CSMD1: variants seen among roughly 807,000 people sequenced by gnomAD.
CSMD1 encodes CUB and sushi domain-containing protein 1.
CSMD1 carries 213 observed loss-of-function variants against 417.5 expected under a neutral mutation model. That is an observed-to-expected ratio of 0.51 (90% confidence interval 0.46 to 0.57). CSMD1 has a LOEUF of 0.57. Ranked by LOEUF, CSMD1 falls within the 20% of genes least tolerant of loss-of-function variation. The probability of loss-of-function intolerance (pLI) is 0.00; values close to 1 mark genes in which losing one functional copy is unlikely to be tolerated. For synonymous variants in CSMD1, 2,862 were observed against 1,736.8 expected, an observed-to-expected ratio of 1.65 and a Z score of -16.11; for missense variants, 6,923 against 4,529.7, an observed-to-expected ratio of 1.53 and a Z score of -15.17.
At chr8:4,112,310 A>C (rs1801899135) in intron 3 of CSMD1, among the ~76,000 whole-genome samples, 1 of 152,216 alleles carries the variant, frequency 6.6e-6, no homozygotes, top group South Asian at 2.1e-4. Flanking sequence ...ACATTTACAC[A>C]GACTCCACCC....
chr8:4,304,476 G>C (rs923631011), intron 3 of CSMD1, among the ~76,000 whole-genome samples: 1 of 152,144 alleles, frequency 6.6e-6, no homozygotes, highest in Admixed American at 6.5e-5. Flanking sequence ...AGATAGTACA[G>C]AGTCCCATCC....
At chr8:3,705,189 T>A (rs1239235295) in intron 7 of CSMD1, among the ~76,000 whole-genome samples, 1 of 152,202 alleles carries the variant, frequency 6.6e-6, no homozygotes, top group Non-Finnish European at 1.5e-5. Context: ...CACTGAGCTG[T>A]GGCTGCTTTC....
intron 3 of CSMD1, among the ~76,000 whole-genome samples, chr8:4,245,817 C>T (rs934991025): frequency 6.6e-6 from 1 of 152,110 alleles, no homozygotes; most frequent in Non-Finnish European, 1.5e-5. Flanking sequence ...AAATTATTGA[C>T]AAGTGTGCAC....
chr8:4,964,399 G>T (rs918247258), intron 1 of CSMD1, among the ~76,000 whole-genome samples: 1 of 147,278 alleles, frequency 6.8e-6, no homozygotes, highest in Non-Finnish European at 1.5e-5. Flanking sequence ...TGCACCTGTA[G>T]TCCCAGCTAC....
intron 5 of CSMD1, among the ~76,000 whole-genome samples, chr8:3,801,048 G>T (rs370773602): frequency 6.6e-6 from 1 of 151,370 alleles, no homozygotes; most frequent in South Asian, 2.1e-4. Context: ...CTTTATAACC[G>T]TGGTTGAGGC....
At chr8:4,725,869 TC>T (rs1809400462) in intron 1 of CSMD1, among the ~76,000 whole-genome samples, 1 of 152,102 alleles carries the variant, frequency 6.6e-6, no homozygotes, top group Non-Finnish European at 1.5e-5. Context: ...CCCTCCGACA[TC>T]TTGTAGACCC....
intron 1 of CSMD1, among the ~76,000 whole-genome samples, chr8:4,851,370 G>T (rs1386981995): frequency 6.6e-6 from 1 of 151,896 alleles, no homozygotes; most frequent in Non-Finnish European, 1.5e-5. Flanking sequence ...TGGCTTTCAT[G>T]ATCCCACCAA....
At chr8:4,120,675 GAAGT>G (rs1802437095) in intron 3 of CSMD1, among the ~76,000 whole-genome samples, 1 of 152,222 alleles carries the variant, frequency 6.6e-6, no homozygotes, top group Admixed American at 6.5e-5. Flanking sequence ...GACTTTTAAA[GAAGT>G]AAGTTTAGAT....
At chr8:3,169,795 C>A (rs1348296191) in intron 37 of CSMD1, among the ~76,000 whole-genome samples, 2 of 152,158 alleles carry the variant, frequency 1.3e-5, no homozygotes, top group Non-Finnish European at 1.5e-5. Flanking sequence ...TTCTTATTCT[C>A]TAATTCCAAG....
intron 1 of CSMD1, among the ~76,000 whole-genome samples, chr8:4,699,980 A>G (rs1807412582): frequency 6.6e-6 from 1 of 152,214 alleles, no homozygotes; most frequent in Admixed American, 6.5e-5. Context: ...ATTCTCTCTC[A>G]TTATAATACA....
Position 4,392,268 on chromosome 8 carries a change from A to G in CSMD1, c.415+27685T>C, listed in dbSNP as rs149704224. Among the ~76,000 whole-genome samples the G allele has an allele frequency of 6.9e-4, 105 of 152,288 alleles. 1 individual carries two copies. The highest frequency in any genetic ancestry group is 2.5e-3 in the African/African-American group (105 of 41,576). On this transcript the variant is annotated intron_variant, in intron 3 of 69. Coordinates refer to ENST00000635120, the MANE Select transcript of CSMD1 (RefSeq NM_033225.6). ...GGATATAAACTGAAGAGTTATTTGC[A>G]TGTAGCTGATAATATATCCTGGAAT...
chr8:4,307,322 T>C (rs1208237153), intron 3 of CSMD1, among the ~76,000 whole-genome samples: 4 of 152,108 alleles, frequency 2.6e-5, no homozygotes, highest in Non-Finnish European at 5.9e-5. Flanking sequence ...ATCACACATG[T>C]CCACATTGAG....
chr8:3,369,268 A>T lies in CSMD1; in HGVS notation c.2885T>A (p.Val962Glu). Residue 962 changes from valine to glutamate, a missense_variant, in exon 19 of 70, where the codon GTG becomes GAG. Physicochemically the swap from Val to Glu is moderately radical, Grantham distance 121. Coordinates refer to ENST00000635120, the MANE Select transcript of CSMD1 (RefSeq NM_033225.6). ...TAGATTCTTACCTTTCCCATGAGACACTTCAATGGTCCACGTGCAGTTTAG... is the reference window on the plus strand; with the variant it reads ...TAGATTCTTACCTTTCCCATGAGACTCTTCAATGGTCCACGTGCAGTTTAG... Reference protein sequence around the residue: ...NSLNCTWTIEVSHGKGVQMIF... With the variant: ...NSLNCTWTIEESHGKGVQMIF... The T allele has an allele frequency of 6.4e-7, 1 of 1,550,614 alleles. No homozygotes were observed. Among genetic ancestry groups the T allele is most frequent in the Non-Finnish European group, 8.9e-7 (1 of 1,122,912 alleles).
At chr8:3,611,758 A>G (rs1410772010) in intron 8 of CSMD1, among the ~76,000 whole-genome samples, 1 of 152,264 alleles carries the variant, frequency 6.6e-6, no homozygotes, top group South Asian at 2.1e-4. Flanking sequence ...ATGTATAAAT[A>G]TTTGAAAGAA....
At chr8:3,422,544 C>G (rs572787147) in intron 12 of CSMD1, among the ~76,000 whole-genome samples, 21 of 152,144 alleles carry the variant, frequency 1.4e-4, no homozygotes, top group African/African-American at 4.8e-4. Context: ...AAGACACAAA[C>G]AGAAGACAGA....
intron 6 of CSMD1, among the ~76,000 whole-genome samples, chr8:3,733,048 C>G (rs753918765): frequency 6.6e-6 from 1 of 151,654 alleles, no homozygotes; most frequent in East Asian, 1.9e-4. Context: ...ATATGTCAGC[C>G]GAAGTAAATG....
At chr8:3,875,293 A>G (rs892093030) in intron 5 of CSMD1, among the ~76,000 whole-genome samples, 1 of 152,156 alleles carries the variant, frequency 6.6e-6, no homozygotes, top group Non-Finnish European at 1.5e-5. Context: ...ACACTGCATT[A>G]AGGATCCTAA....
chr8:4,166,809 G>C (rs891113616), intron 3 of CSMD1, among the ~76,000 whole-genome samples: 7 of 152,156 alleles, frequency 4.6e-5, no homozygotes, highest in Non-Finnish European at 7.3e-5. Flanking sequence ...TGTTTAATGA[G>C]ACAATATTTT....
chr8:3,992,486 T>A (rs1171611640), intron 5 of CSMD1, among the ~76,000 whole-genome samples: 2 of 152,212 alleles, frequency 1.3e-5, no homozygotes, highest in Non-Finnish European at 2.9e-5. Context: ...AATCCAAATT[T>A]AAGATAGAAA....
Sources: allele counts gnomAD v4.1 joint callset (sites outside exome capture counted in the v4.1 genomes callset), GRCh38; gene constraint gnomAD v4.1.1; transcripts MANE v1.5; gene names NCBI Gene and HGNC (gene_info 2026-07-23, HGNC 2026-07-21).